SLC37A2: variants seen among roughly 807,000 people sequenced by gnomAD.
SLC37A2 encodes the protein glucose-6-phosphate exchanger SLC37A2.
Under a neutral mutation model 70.7 loss-of-function variants are expected in SLC37A2, and 59 were observed. The observed-to-expected ratio is 0.83, with a 90% confidence interval of 0.68 to 1.04. The LOEUF (loss-of-function observed/expected upper bound fraction) is 1.04, where lower values mean the gene tolerates loss of function less well. Among genes scored for constraint, SLC37A2 ranks in the 50% least tolerant of loss-of-function variants. The pLI is 0.00. For synonymous variants in SLC37A2, 257 were observed against 262.1 expected (o/e 0.98, Z 0.19); for missense variants, 580 against 658.1 (o/e 0.88, Z 1.30).
Position 125,084,709 on chromosome 11 carries a change from A to G in SLC37A2, c.1126-116A>G, listed in dbSNP as rs551405573. On this transcript the variant is annotated intron_variant, in intron 12 of 17. Transcript: ENST00000403796. ...CAGAGAAATCTGCATAGGCAGGGGA[A>G]AAGGAATAGGATGCCCTCTGGGGTT... The G allele has an allele frequency of 4.5e-6, 5 of 1,105,538 alleles. No individual in the cohort carries two copies. The South Asian group carries it at 6.7e-5, about 15-fold the overall frequency. 68.5% of individuals were successfully genotyped at this position (1,105,538 alleles called of 1,614,324 possible). A position where few individuals can be genotyped will look rare whatever the true frequency, so the allele number is the denominator to read the frequency against.
rs1446565186 is a variant in SLC37A2, at chr11:125,088,332, T to C, written c.*198T>C. 4.8e-6 allele frequency: 3 copies of C among 624,256 alleles called. No homozygotes were observed. Among genetic ancestry groups the C allele is most frequent in the Non-Finnish European group, 8.3e-6 (3 of 362,988 alleles). 38.7% of individuals were successfully genotyped at this position (624,256 alleles called of 1,614,324 possible). A position where few individuals can be genotyped will look rare whatever the true frequency, so the allele number is the denominator to read the frequency against. The stretch of plus-strand genomic sequence containing the variant: ...AAGGGGACTGCCAAGCATGAGGAAA[T>C]AGAAGATTCAGGGGCCTGAGCTCTG... On this transcript the variant is annotated 3_prime_UTR_variant, in exon 18 of 18. Coordinates refer to ENST00000403796, the MANE Select transcript of SLC37A2 (RefSeq NM_001145290.2).
Position 125,081,423 on chromosome 11 carries a change from C to A in SLC37A2, c.697C>A (p.Pro233Thr). The A allele has an allele frequency of 6.2e-7, 1 of 1,604,632 alleles. No homozygotes were observed. The highest frequency in any genetic ancestry group is 1.1e-5 in the South Asian group (1 of 89,440). The change falls in exon 8 of 18, where the codon CCA (proline) becomes ACA (threonine). Residue 233 changes from proline (P) to threonine (T), a missense_variant and splice_region_variant. Pro to Thr is a conservative substitution (Grantham distance 38). Coordinates refer to ENST00000403796, the MANE Select transcript of SLC37A2 (RefSeq NM_001145290.2). ...VITFLFLIEHPEDVDCAPPQH... is the reference protein window; with the variant it reads ...VITFLFLIEHTEDVDCAPPQH... Reference sequence around the variant, plus strand: ...TAGAAAGCGATTTTTTTTTCTAGACCCAGAAGATGTGGACTGCGCCCCTCC... The same window carrying A: ...TAGAAAGCGATTTTTTTTTCTAGACACAGAAGATGTGGACTGCGCCCCTCC...
At position 125,090,510 on chromosome 11, in the gene SLC37A2, C is replaced by T. The variant is rs760345899; in HGVS notation, c.*2376C>T. On this transcript the variant is annotated 3_prime_UTR_variant, in exon 18 of 18. Transcript: ENST00000403796. ...TTGTTCTTTGCAATAAATCTTGCTA[C>T]TGCTCACTCTTTGAGTCCACGCTGC... Among the ~76,000 whole-genome samples, 1 of 152,216 alleles carries T rather than the reference C, an allele frequency of 6.6e-6. No homozygotes were observed. Among genetic ancestry groups the T allele is most frequent in the Non-Finnish European group, 1.5e-5 (1 of 68,046 alleles).
chr11:125,063,738 C>T lies in SLC37A2; in HGVS notation c.59+312C>T, dbSNP rs926578334. ...CTCCCCTCCTAACACACATCCGGGG[C>T]GCCTTCAGAGCGCCTTTCTGTCGTT... On this transcript the variant is annotated intron_variant, in intron 1 of 17. Coordinates refer to ENST00000403796, the MANE Select transcript of SLC37A2 (RefSeq NM_001145290.2). This position sits in a 1 kb window ranked among gnomAD's most constrained non-coding sequence, Gnocchi z 5.4. 1.3e-5 allele frequency among the ~76,000 whole-genome samples: 2 copies of T among 152,226 alleles called. No homozygotes were observed. The highest frequency in any genetic ancestry group is 4.8e-5 in the African/African-American group (2 of 41,468).
At chr11:125,069,670 C>T (rs1311739538) in intron 1 of SLC37A2, among the ~76,000 whole-genome samples, 1 of 152,224 alleles carries the variant, frequency 6.6e-6, no homozygotes, top group East Asian at 1.9e-4. Context: ...TGGCCTGTCC[C>T]CTGTCTCTGA....
At chr11:125,086,354 C>G (rs141542460) in intron 17 of SLC37A2, 1 of 1,002,642 alleles carries the variant, frequency 1.0e-6, no homozygotes, top group Non-Finnish European at 1.6e-6. Context: ...TTCCAACTTT[C>G]TCTTTCTTCT....
At position 125,080,338 on chromosome 11, in the gene SLC37A2, G is replaced by A. The variant is rs1158263608; in HGVS notation, c.528-276G>A. Among the ~76,000 whole-genome samples, 3 of 152,194 alleles carry A rather than the reference G, an allele frequency of 2.0e-5. No individual in the cohort carries two copies. Among genetic ancestry groups the A allele is most frequent in the Non-Finnish European group, 4.4e-5 (3 of 68,032 alleles). On this transcript the variant is annotated intron_variant, in intron 6 of 17. Transcript: ENST00000403796. The surrounding 1 kb of genome is among the most constrained non-coding windows in gnomAD (Gnocchi z 4.3). ...TCGTGGGACAGAAGAGAAGAACGAG[G>A]GCCGGGGCCCCCATGCCCTCAGTGT...
At position 125,063,417 on chromosome 11, in the gene SLC37A2, G is replaced by A; in HGVS notation, c.50G>A (p.Arg17Lys). 1 of 1,611,656 alleles carries A rather than the reference G, an allele frequency of 6.2e-7. No individual in the cohort carries two copies. Among genetic ancestry groups the A allele is most frequent in the Non-Finnish European group, 8.5e-7 (1 of 1,179,150 alleles). ...PGVWFFRAFSRDSWFRGLILL... is the reference protein window; with the variant it reads ...PGVWFFRAFSKDSWFRGLILL... ...GTCTGGTTCTTCCGGGCCTTCTCCA[G>A]GGACAGCTGGTGAGCGGGGCAGGGG... Residue 17 changes from arginine to lysine, a missense_variant, in exon 1 of 18, where the codon AGG (arginine) becomes AAG (lysine). Coordinates refer to ENST00000403796, the MANE Select transcript of SLC37A2 (RefSeq NM_001145290.2). This position sits in a 1 kb window ranked among gnomAD's most constrained non-coding sequence, Gnocchi z 5.4.
intron 1 of SLC37A2, among the ~76,000 whole-genome samples, chr11:125,074,588 G>A (rs1949063524): frequency 2.0e-5 from 3 of 151,772 alleles, no homozygotes; most frequent in African/African-American, 7.3e-5. Context: ...AGTCGGGGAG[G>A]GCGGGCTGGA....
chr11:125,082,224 C>T lies in SLC37A2; in HGVS notation c.886-20C>T. 3 of 1,612,808 alleles carry T rather than the reference C, an allele frequency of 1.9e-6. No individual in the cohort carries two copies. The highest frequency in any genetic ancestry group is 1.7e-6 in the Non-Finnish European group (2 of 1,178,922). Reference sequence around the variant, plus strand: ...GGACCTCTGGACCCCTTCCCATGTGCCCCCTGTTGCACTCCCCAGGGCGTG... The same window carrying T: ...GGACCTCTGGACCCCTTCCCATGTGTCCCCTGTTGCACTCCCCAGGGCGTG... On this transcript the variant is annotated intron_variant, in intron 9 of 17. Transcript: ENST00000403796.
At chr11:125,075,135 G>C (rs1949069809) in intron 1 of SLC37A2, among the ~76,000 whole-genome samples, 1 of 152,224 alleles carries the variant, frequency 6.6e-6, no homozygotes, top group Non-Finnish European at 1.5e-5. Flanking sequence ...GCCACGCAAA[G>C]CTTCCCGCCT....
At chr11:125,066,280 C>T (rs1467726324) in intron 1 of SLC37A2, among the ~76,000 whole-genome samples, 1 of 152,206 alleles carries the variant, frequency 6.6e-6, no homozygotes, top group Non-Finnish European at 1.5e-5. Context: ...GGCATGCTTA[C>T]AGTCCCAGCT....
In SLC37A2 at chr11:125,063,335, C is replaced by G; in HGVS notation, c.-33C>G. ...ACGCGCCCAGCTCTGTAGCCTCCTC[C>G]GTCGACTCAGCCTTAGGTACCGGTC... is the stretch of plus-strand genomic sequence containing the variant. On this transcript the variant is annotated 5_prime_UTR_variant, in exon 1 of 18. Transcript: ENST00000403796. This position sits in a 1 kb window ranked among gnomAD's most constrained non-coding sequence, Gnocchi z 5.4. 1 of 1,595,438 alleles carries G rather than the reference C, an allele frequency of 6.3e-7. No individual in the cohort carries two copies. The highest frequency in any genetic ancestry group is 1.7e-5 in the Admixed American group (1 of 58,978).
At chr11:125,081,381 G>A (rs985733736) in intron 7 of SLC37A2, 40 bp from the exon 8 acceptor site, 5 of 1,587,058 alleles carry the variant, frequency 3.2e-6, no homozygotes, top group Non-Finnish European at 4.3e-6. Flanking sequence ...TGGGGGGGCG[G>A]GGGTTGGGAA....
chr11:125,080,530 A>C lies in SLC37A2; in HGVS notation c.528-84A>C. 7.7e-7 allele frequency: 1 copy of C among 1,302,668 alleles called. No individual in the cohort carries two copies. Among genetic ancestry groups the C allele is most frequent in the Non-Finnish European group, 1.0e-6 (1 of 995,062 alleles). The allele number at this position is 1,302,668 out of a possible 1,614,324, so 80.7% of individuals were successfully genotyped here. A position where few individuals can be genotyped will look rare whatever the true frequency, so the allele number is the denominator to read the frequency against. On this transcript the variant is annotated intron_variant, in intron 6 of 17. Coordinates refer to ENST00000403796, the MANE Select transcript of SLC37A2 (RefSeq NM_001145290.2). This position sits in a 1 kb window ranked among gnomAD's most constrained non-coding sequence, Gnocchi z 4.3. ...GGGAAGCTGTAGTCAGCCCAGCTTT[A>C]GAGCTTGGCTGGGGCAGTTGCTATG...
intron 1 of SLC37A2, among the ~76,000 whole-genome samples, chr11:125,073,088 T>G (rs753486774): frequency 4.6e-5 from 7 of 151,972 alleles, no homozygotes. Flanking sequence ...GGAGTTGGGG[T>G]CAGAGCTGGC....
chr11:125,084,864 A>G lies in SLC37A2; in HGVS notation c.1165A>G (p.Ser389Gly). ...YNYIGQDGIA[S>G]SIVMLIICGG... is the part of the protein sequence containing the mutation. ...CTACATTGGCCAGGACGGGATTGCC[A>G]GCTCCATAGGTGAGGAGGAGGTTGC... The change falls in exon 13 of 18, where the codon AGC (serine) becomes GGC (glycine). Residue 389 changes from serine (S) to glycine (G), a missense_variant. Physicochemically the swap from Ser to Gly is moderately conservative, Grantham distance 56 (BLOSUM62 0). Transcript: ENST00000403796. The G allele has an allele frequency of 6.2e-7, 1 of 1,613,694 alleles. No homozygotes were observed. Among genetic ancestry groups the G allele is most frequent in the Non-Finnish European group, 8.5e-7 (1 of 1,179,866 alleles).
intron 7 of SLC37A2, 107 bp from the exon 8 acceptor site, chr11:125,081,314 G>A: frequency 2.6e-6 from 3 of 1,165,124 alleles, no homozygotes; most frequent in Non-Finnish European, 2.4e-6. Context: ...GGCGGGGCTG[G>A]TTCCCGGGAT....
In SLC37A2 at chr11:125,084,471, G is replaced by A. The variant is rs182879750; in HGVS notation, c.1125+152G>A. 48 of 836,684 alleles carry A rather than the reference G, an allele frequency of 5.7e-5. No homozygotes were observed. In the Middle Eastern group the frequency reaches 1.2e-3, roughly 22 times the overall value. The allele number at this position is 836,684 out of a possible 1,614,324, so 51.8% of individuals were successfully genotyped here. Reference sequence around the variant, plus strand: ...TGTGCACACACGGGGGAGGAGAAGCGAGGGTCAGCAGAGGCACCTTGGAAA... The same window carrying A: ...TGTGCACACACGGGGGAGGAGAAGCAAGGGTCAGCAGAGGCACCTTGGAAA... On this transcript the variant is annotated intron_variant, in intron 12 of 17. Transcript: ENST00000403796.
Sources: gnomAD v4.1 joint callset for allele counts (sites outside exome capture counted in the v4.1 genomes callset) on GRCh38, gnomAD v4.1.1 for gene constraint, Gnocchi (gnomAD v3.1) non-coding constraint, MANE v1.5 for transcripts, NCBI Gene and HGNC (gene_info 2026-07-23, HGNC 2026-07-21) for gene names.